The following ACBD7 variants were observed in gnomAD, a reference collection of about 807,000 sequenced individuals.
ACBD7 encodes the protein acyl-CoA-binding domain-containing protein 7.
Under a neutral mutation model 13.7 loss-of-function variants are expected in ACBD7, and 11 were observed. The observed-to-expected ratio is 0.80, with a 90% CI of 0.50 to 1.33. The LOEUF is 1.33. ACBD7 is among the 40% of genes most tolerant of loss of function. The probability of loss-of-function intolerance (pLI) is 0.00; values close to 1 mark genes in which losing one functional copy is unlikely to be tolerated. For missense variants in ACBD7, 111 were observed against 103.0 expected (o/e 1.08, Z -0.33); for synonymous variants, 43 against 37.7 (o/e 1.14, Z -0.51).
rs747059423 is a variant in ACBD7 at position 15,078,717 on chromosome 10, T to A, written c.167A>T (p.Lys56Ile). The change falls in exon 3 of 4, where the codon AAA becomes ATA. Residue 56 changes from lysine to isoleucine, a missense_variant. By Grantham distance (102) the Lys-to-Ile change is moderately radical. Coordinates refer to ENST00000356189, the MANE Select transcript of ACBD7 (RefSeq NM_001039844.3). ...TTTTTTGAGGTTCCATGCTTCCCAT[T>A]TGGCTTTGCCTTTTAAATCTAGCAT... ...PGMLDLKGKA[K>I]WEAWNLKKGL... is the part of the protein sequence containing the mutation. 2.5e-6 allele frequency: 4 copies of A among 1,613,948 alleles called. No homozygotes were observed. In the African/African-American group the frequency reaches 5.3e-5, roughly 22 times the overall value.
At chr10:15,085,225 T>G (rs1241354902) in intron 1 of ACBD7, among the ~76,000 whole-genome samples, 1 of 152,164 alleles carries the variant, frequency 6.6e-6, no homozygotes, top group African/African-American at 2.4e-5. Flanking sequence ...CTCCCTGGAC[T>G]CTCTCCTGTT....
chr10:15,076,171 T>G lies in ACBD7; in HGVS notation c.*2359A>C, dbSNP rs953130950. 1 of 985,184 alleles carries G rather than the reference T, an allele frequency of 1.0e-6. No individual in the cohort carries two copies. Among genetic ancestry groups the G allele is most frequent in the African/African-American group, 1.7e-5 (1 of 57,208 alleles). The allele number at this position is 985,184 out of a possible 1,614,324, so 61.0% of individuals were successfully genotyped here. On this transcript the variant is annotated 3_prime_UTR_variant, in exon 4 of 4. Transcript: ENST00000356189. ...GTCATACCATTCCAAATCTAAATTT[T>G]TATGCAGGGAATAGAGGTACACTGT...
At chr10:15,081,846 A>C (rs372215568) in intron 1 of ACBD7, among the ~76,000 whole-genome samples, 35 of 152,332 alleles carry the variant, frequency 2.3e-4, no homozygotes, top group African/African-American at 8.2e-4. Context: ...CAGGGGACTG[A>C]GAAGCACGGG....
At position 15,076,191 on chromosome 10, in the gene ACBD7, C is replaced by T; in HGVS notation, c.*2339G>A. The T allele has an allele frequency of 1.0e-6, 1 of 985,060 alleles. No individual in the cohort carries two copies. The highest frequency in any genetic ancestry group is 1.2e-6 in the Non-Finnish European group (1 of 829,840). 61.0% of individuals were successfully genotyped at this position (985,060 alleles called of 1,614,324 possible). On this transcript the variant is annotated 3_prime_UTR_variant, in exon 4 of 4. Transcript: ENST00000356189. ...AATTTTTATGCAGGGAATAGAGGTA[C>T]ACTGTTTTGGGGGATATTTATCTTA...
chr10:15,078,896 TATATTA>T (rs772011565), intron 2 of ACBD7, 21 bp downstream of exon 2: 26 of 1,230,470 alleles, frequency 2.1e-5, no homozygotes, highest in South Asian at 5.0e-5. Context: ...AACATATGAA[TATATTA>T]ATATTAATAA....
rs966168337 is a variant in ACBD7 at position 15,076,485 on chromosome 10, G to A, written c.*2045C>T. 4 of 947,830 alleles carry A rather than the reference G, an allele frequency of 4.2e-6. No homozygotes were observed. Among genetic ancestry groups the A allele is most frequent in the African/African-American group, 1.8e-5 (1 of 55,560 alleles). 58.7% of individuals were successfully genotyped at this position (947,830 alleles called of 1,614,324 possible). A position where few individuals can be genotyped will look rare whatever the true frequency, so the allele number is the denominator to read the frequency against. On this transcript the variant is annotated 3_prime_UTR_variant, in exon 4 of 4. Transcript: ENST00000356189. ...GGGGCTTTTTAAATTTCTTTAAACT[G>A]CTATGGACAGACTTGTAATTTTTTT...
chr10:15,079,862 C>G (rs559519621), intron 1 of ACBD7, among the ~76,000 whole-genome samples: 1 of 151,314 alleles, frequency 6.6e-6, no homozygotes, highest in South Asian at 2.1e-4. Flanking sequence ...CAGGTGTGAG[C>G]CACCGTGCCC....
intron 1 of ACBD7, among the ~76,000 whole-genome samples, chr10:15,083,145 G>A (rs1054929304): frequency 1.3e-5 from 2 of 152,196 alleles, no homozygotes; most frequent in Non-Finnish European, 2.9e-5. Flanking sequence ...AGGGGTCCCC[G>A]CTCTTTCTCC....
At position 15,076,803 on chromosome 10, in the gene ACBD7, T is replaced by C. The variant is rs1844687380; in HGVS notation, c.*1727A>G. 2.0e-6 allele frequency: 2 copies of C among 985,258 alleles called. No homozygotes were observed. Among genetic ancestry groups the C allele is most frequent in the South Asian group, 9.4e-5 (2 of 21,284 alleles). The allele number at this position is 985,258 out of a possible 1,614,324, so 61.0% of individuals were successfully genotyped here. A position where few individuals can be genotyped will look rare whatever the true frequency, so the allele number is the denominator to read the frequency against. ...GAGGCGTGAGCCACCACGCTCAGCC[T>C]TGCCATTGATTCTTAATAACCTGTT... is the stretch of plus-strand genomic sequence containing the variant. On this transcript the variant is annotated 3_prime_UTR_variant, in exon 4 of 4. Transcript: ENST00000356189.
chr10:15,076,319 C>G lies in ACBD7; in HGVS notation c.*2211G>C, dbSNP rs556361730. The stretch of plus-strand genomic sequence containing the variant: ...CTGAGTAGGGGGCCAATATTATATT[C>G]CAGACTCTATTTTTACTCAGATAGA... On this transcript the variant is annotated 3_prime_UTR_variant, in exon 4 of 4. Transcript: ENST00000356189. 2.0e-6 allele frequency: 2 copies of G among 985,154 alleles called. No individual in the cohort carries two copies. Among genetic ancestry groups the G allele is most frequent in the Non-Finnish European group, 2.4e-6 (2 of 829,792 alleles). 61.0% of individuals were successfully genotyped at this position (985,154 alleles called of 1,614,324 possible). A position where few individuals can be genotyped will look rare whatever the true frequency, so the allele number is the denominator to read the frequency against.
At chr10:15,087,474 T>C (rs868049430) in intron 1 of ACBD7, among the ~76,000 whole-genome samples, 3 of 152,168 alleles carry the variant, frequency 2.0e-5, no homozygotes, top group Non-Finnish European at 4.4e-5. Flanking sequence ...ATTTTGTGCA[T>C]GTAAAAGATT....
chr10:15,085,973 G>A (rs566329196), intron 1 of ACBD7, among the ~76,000 whole-genome samples: 7 of 152,170 alleles, frequency 4.6e-5, no homozygotes, highest in Non-Finnish European at 8.8e-5. Context: ...AAAGACAGAA[G>A]AGATTTCAAT....
chr10:15,078,345 C>G lies in ACBD7; in HGVS notation c.*185G>C. 1 of 1,442,706 alleles carries G rather than the reference C, an allele frequency of 6.9e-7. No homozygotes were observed. Among genetic ancestry groups the G allele is most frequent in the Non-Finnish European group, 9.1e-7 (1 of 1,103,068 alleles). 89.4% of individuals were successfully genotyped at this position (1,442,706 alleles called of 1,614,324 possible). On this transcript the variant is annotated 3_prime_UTR_variant, in exon 4 of 4. Transcript: ENST00000356189. Reference sequence around the variant, plus strand: ...TTCTTAAAAAGAACTTTTAAAGACACCTGGTTTAAGCAAGTACAATTGAGT... The same window carrying G: ...TTCTTAAAAAGAACTTTTAAAGACAGCTGGTTTAAGCAAGTACAATTGAGT...
chr10:15,082,107 G>C (rs1165175661), intron 1 of ACBD7, among the ~76,000 whole-genome samples: 2 of 151,994 alleles, frequency 1.3e-5, no homozygotes, highest in African/African-American at 4.8e-5. Context: ...GACCAACATG[G>C]AGAAACCCGT....
In ACBD7 at chr10:15,077,910, C is replaced by T. The variant is rs886572539; in HGVS notation, c.*620G>A. On this transcript the variant is annotated 3_prime_UTR_variant, in exon 4 of 4. Coordinates refer to ENST00000356189, the MANE Select transcript of ACBD7 (RefSeq NM_001039844.3). ...AACAAACAAAAACTGCAACTGTACT[C>T]CCTAACTCTATAAAAATAAAAAATA... The T allele has an allele frequency of 1.3e-5, 2 of 152,166 alleles. No individual in the cohort carries two copies. Among genetic ancestry groups the T allele is most frequent in the African/African-American group, 2.4e-5 (1 of 41,418 alleles). The allele number at this position is 152,166 out of a possible 1,614,324, so 9.4% of individuals were successfully genotyped here. A position where few individuals can be genotyped will look rare whatever the true frequency, so the allele number is the denominator to read the frequency against.
intron 1 of ACBD7, among the ~76,000 whole-genome samples, chr10:15,086,251 G>A (rs1406207215): frequency 6.6e-6 from 1 of 151,670 alleles, no homozygotes; most frequent in African/African-American, 2.4e-5. Context: ...AGGTTGCAGT[G>A]AGTCAAGATC....
In ACBD7 at chr10:15,077,998, G is replaced by GT. The variant is rs1225365834; in HGVS notation, c.*531dup. The GT allele has an allele frequency of 6.6e-6, 1 of 152,412 alleles. No homozygotes were observed. The highest frequency in any genetic ancestry group is 2.4e-5 in the African/African-American group (1 of 41,424). 9.4% of individuals were successfully genotyped at this position (152,412 alleles called of 1,614,324 possible). A position where few individuals can be genotyped will look rare whatever the true frequency, so the allele number is the denominator to read the frequency against. On this transcript the variant is annotated 3_prime_UTR_variant, in exon 4 of 4. Transcript: ENST00000356189. ...CTGGGATACATATGCAGAACGTGCAGTTTTGTTACATAGGTATACATGTGC... is the reference window on the plus strand; with the variant it reads ...CTGGGATACATATGCAGAACGTGCAGTTTTTGTTACATAGGTATACATGTGC...
At chr10:15,083,957 G>A (rs1844778598) in intron 1 of ACBD7, among the ~76,000 whole-genome samples, 2 of 152,250 alleles carry the variant, frequency 1.3e-5, no homozygotes, top group Admixed American at 1.3e-4. Context: ...AGCCTGGTGG[G>A]AGATGAACAG....
At chr10:15,081,595 G>A (rs1324701087) in intron 1 of ACBD7, among the ~76,000 whole-genome samples, 2 of 152,306 alleles carry the variant, frequency 1.3e-5, no homozygotes, top group African/African-American at 4.8e-5. Flanking sequence ...AGTTGGCTTC[G>A]CAATAATTTG....
Sources: gnomAD v4.1 joint callset for allele counts (sites outside exome capture counted in the v4.1 genomes callset) on GRCh38, gnomAD v4.1.1 for gene constraint, MANE v1.5 for transcripts, NCBI Gene and HGNC (gene_info 2026-07-23, HGNC 2026-07-21) for gene names.